LMNB2: variants seen among roughly 807,000 people sequenced by gnomAD.
LMNB2 encodes lamin-B2.
Under a neutral mutation model 69.3 loss-of-function variants are expected in LMNB2, and 17 were observed. That is an observed-to-expected ratio of 0.25 (90% CI 0.17 to 0.37). LMNB2 has a LOEUF of 0.37. LMNB2 is among the 10% of genes least tolerant of loss of function. The pLI, the probability that LMNB2 is intolerant of heterozygous loss-of-function variation, is 1.00. For synonymous variants in LMNB2, 397 were observed against 389.3 expected (o/e 1.02, Z -0.23); for missense variants, 789 against 883.6 (o/e 0.89, Z 1.36).
chr19:2,444,296 C>A (rs879227121), intron 2 of LMNB2, 108 bp downstream of exon 2: 117 of 1,303,670 alleles, frequency 9.0e-5, no homozygotes, highest in Middle Eastern at 3.9e-4. Flanking sequence ...GAGCTCCAGG[C>A]TGTGCCCGTA....
intron 2 of LMNB2, among the ~76,000 whole-genome samples, chr19:2,442,281 C>A (rs530571171): frequency 2.0e-5 from 3 of 152,052 alleles, no homozygotes; most frequent in African/African-American, 7.2e-5. Context: ...CATAGCGAGA[C>A]CTCATCTCTA....
Position 2,431,844 on chromosome 19 carries a change from C to G in LMNB2, c.1649G>C (p.Gly550Ala), listed in dbSNP as rs1971744843. ...CTCGCCCGTGCCCCAGCTGCTCTGG[C>G]CCTTCCACACCAGCGTCGAGGGGGG... ...HSPPSTLVWK[G>A]QSSWGTGESF... Residue 550 changes from glycine (G) to alanine (A), a missense_variant, in exon 10 of 12, where the codon GGC becomes GCC. Physicochemically the swap from Gly to Ala is moderately conservative, Grantham distance 60. Coordinates refer to ENST00000325327, the MANE Select transcript of LMNB2 (RefSeq NM_032737.4). 6.2e-7 allele frequency: 1 copy of G among 1,613,498 alleles called. No individual in the cohort carries two copies. The highest frequency in any genetic ancestry group is 2.2e-5 in the East Asian group (1 of 44,866).
In LMNB2 at chr19:2,429,895, C is replaced by T. The variant is rs997600613; in HGVS notation, c.*1016G>A. 6.6e-6 allele frequency: 1 copy of T among 152,174 alleles called. No individual in the cohort carries two copies. The highest frequency in any genetic ancestry group is 1.5e-5 in the Non-Finnish European group (1 of 68,070). The allele number at this position is 152,174 out of a possible 1,614,324, so 9.4% of individuals were successfully genotyped here. ...GCTGGACTGAGGGGCTTGGGTGCGT[C>T]GTGATAGGAGTCAGGTGGCCTTGGC... On this transcript the variant is annotated 3_prime_UTR_variant, in exon 12 of 12. Coordinates refer to ENST00000325327, the MANE Select transcript of LMNB2 (RefSeq NM_032737.4).
At chr19:2,438,689 G>A (rs534874182) in intron 2 of LMNB2, among the ~76,000 whole-genome samples, 158 bp from the exon 3 acceptor site, 2 of 152,340 alleles carry the variant, frequency 1.3e-5, no homozygotes, top group East Asian at 3.9e-4. Flanking sequence ...ACGCGCCCAG[G>A]CAAAGGCACA....
chr19:2,439,035 C>CTTTTTTTTTTT (rs397945879), intron 2 of LMNB2, among the ~76,000 whole-genome samples: 3 of 65,712 alleles, frequency 4.6e-5, no homozygotes, highest in African/African-American at 1.9e-4. Context: ...GGCACTTAAG[C>CTTTTTTTTTTT]TTTTTTTTTT....
chr19:2,432,318 A>AT, intron 9 of LMNB2, 98 bp downstream of exon 9: 3 of 914,016 alleles, frequency 3.3e-6, no homozygotes, highest in Middle Eastern at 2.8e-4. Flanking sequence ...TGCCACCATC[A>AT]TCCCCACCCA....
chr19:2,454,999 A>G (rs1972071650), intron 1 of LMNB2, among the ~76,000 whole-genome samples: 1 of 151,276 alleles, frequency 6.6e-6, no homozygotes, highest in Non-Finnish European at 1.5e-5. Flanking sequence ...CAAGATCCCA[A>G]CTCTCACCCT....
intron 8 of LMNB2, among the ~76,000 whole-genome samples, chr19:2,433,119 G>T (rs1971766936): frequency 7.9e-6 from 1 of 126,658 alleles, no homozygotes. Context: ...TTGGCCGGCG[G>T]CCCCGTCACC....
rs397945879 is a variant in LMNB2, at chr19:2,439,035, C to CTTTTT, written c.402-509_402-505dup. On this transcript the variant is annotated intron_variant, in intron 2 of 11. Transcript: ENST00000325327. ...CCAGTGTGGATTGTAGGCACTTAAGCTTTTTTTTTTTTTTTTTTTTTTTTT... is the reference window on the plus strand; with the variant it reads ...CCAGTGTGGATTGTAGGCACTTAAGCTTTTTTTTTTTTTTTTTTTTTTTTTTTTTT... 6.1e-3 allele frequency among the ~76,000 whole-genome samples: 399 copies of CTTTTT among 65,714 alleles called. 53 individuals carry two copies. The highest frequency in any genetic ancestry group is 0.024 in the African/African-American group (367 of 15,424). The allele number at this position is 65,714 out of a possible 152,430, so 43.1% of individuals were successfully genotyped here. A position where few individuals can be genotyped will look rare whatever the true frequency, so the allele number is the denominator to read the frequency against.
At position 2,456,939 on chromosome 19, in the gene LMNB2, C is replaced by T. The variant is rs1385580767; in HGVS notation, c.-6G>A. On this transcript the variant is annotated 5_prime_UTR_variant, in exon 1 of 12. Coordinates refer to ENST00000325327, the MANE Select transcript of LMNB2 (RefSeq NM_032737.4). The stretch of plus-strand genomic sequence containing the variant: ...CCCGGGCTCGGCGGGCTCATTCAAT[C>T]CGCGCCGCCGGCTGCAAGATGGCGC... 6 of 988,812 alleles carry T rather than the reference C, an allele frequency of 6.1e-6. No homozygotes were observed. The East Asian group carries it at 4.5e-4, about 74-fold the overall frequency. 61.3% of individuals were successfully genotyped at this position (988,812 alleles called of 1,614,324 possible).
chr19:2,431,578 C>G lies in LMNB2; in HGVS notation c.1791G>C (p.Glu597Asp). 6.2e-7 allele frequency: 1 copy of G among 1,614,170 alleles called. No individual in the cohort carries two copies. The highest frequency in any genetic ancestry group is 8.5e-7 in the Non-Finnish European group (1 of 1,179,996). The change falls in exon 11 of 12, where the codon GAG becomes GAC. Residue 597 changes from glutamate (E) to aspartate (D), a missense_variant. This residue lies in a region of LMNB2 where 609 missense variants were observed against 630.9 expected (regional missense o/e 0.97). Transcript: ENST00000325327. ...GGTGGAAAAGATCCTCCTCGCCAAACTCGGCTTCCTCCTCCTCTTCCTCCC... is the reference window on the plus strand; with the variant it reads ...GGTGGAAAAGATCCTCCTCGCCAAAGTCGGCTTCCTCCTCCTCTTCCTCCC... ...ENGEEEEEEA[E>D]FGEEDLFHQQ...
intron 8 of LMNB2, 50 bp from the exon 9 acceptor site, chr19:2,432,573 C>T (rs373038332): frequency 1.9e-4 from 271 of 1,447,536 alleles, no homozygotes; most frequent in Non-Finnish European, 2.4e-4. Flanking sequence ...ACTGTGACAC[C>T]GCCCCCATCG....
intron 1 of LMNB2, among the ~76,000 whole-genome samples, chr19:2,445,317 G>A (rs535273834): frequency 6.7e-6 from 1 of 149,364 alleles, no homozygotes; most frequent in Admixed American, 6.7e-5. Context: ...GGGCCAGCCC[G>A]TGCCCCTCTG....
At position 2,433,971 on chromosome 19, in the gene LMNB2, C is replaced by T. The variant is rs752435223; in HGVS notation, c.1337G>A (p.Gly446Asp). 6.2e-6 allele frequency: 10 copies of T among 1,610,888 alleles called. No homozygotes were observed. The highest frequency in any genetic ancestry group is 7.6e-6 in the Non-Finnish European group (9 of 1,179,506). ...CGTGCCCAGGACGCTTGGGCCGCTG[C>T]CCAAGGGCTCCTCCACCTCCAGCCG... ...RKRLEVEEPL[G>D]SGPSVLGTGT... Residue 446 changes from glycine (G) to aspartate (D), a missense_variant, in exon 8 of 12, where the codon GGC (glycine) becomes GAC (aspartate). Physicochemically the swap from Gly to Asp is moderately conservative, Grantham distance 94. Transcript: ENST00000325327.
At chr19:2,434,943 C>A (rs62122269) in intron 5 of LMNB2, 30 bp from the exon 6 acceptor site, 2 of 1,585,998 alleles carry the variant, frequency 1.3e-6, no homozygotes, top group Non-Finnish European at 1.7e-6. Context: ...TGAGTGCGGG[C>A]GCGGGGCGGG....
rs1388336809 is a variant in LMNB2 at position 2,431,764 on chromosome 19, C to A, written c.1710+19G>T. On this transcript the variant is annotated intron_variant, in intron 10 of 11. Coordinates refer to ENST00000325327, the MANE Select transcript of LMNB2 (RefSeq NM_032737.4). ...GCCCAGGACTCCAGCCGAGCACCCC[C>A]CAAGCCACACACACCCACCTCGCCA... 5 of 1,613,828 alleles carry A rather than the reference C, an allele frequency of 3.1e-6. No individual in the cohort carries two copies. Among genetic ancestry groups the A allele is most frequent in the African/African-American group, 2.7e-5 (2 of 75,046 alleles).
At chr19:2,439,386 G>A (rs11882664) in intron 2 of LMNB2, among the ~76,000 whole-genome samples, 4,363 of 151,234 alleles carry the variant, frequency 0.029, 227 homozygotes, top group African/African-American at 0.1. Context: ...TGGGGTGGTC[G>A]AGTGAGGACA....
intron 4 of LMNB2, 31 bp from the exon 5 acceptor site, chr19:2,435,202 C>G: frequency 6.3e-7 from 1 of 1,596,592 alleles, no homozygotes; most frequent in Non-Finnish European, 8.5e-7. Flanking sequence ...ACCCTCTGGT[C>G]CCGCCTGGGC....
chr19:2,431,981 A>G (rs973480438), intron 9 of LMNB2, 79 bp from the exon 10 acceptor site: 89 of 1,532,598 alleles, frequency 5.8e-5, no homozygotes, highest in Non-Finnish European at 7.4e-5. Context: ...CCCCTACCAC[A>G]AAGCCCCCTT....
Sources: gnomAD v4.1 joint callset for allele counts (sites outside exome capture counted in the v4.1 genomes callset) on GRCh38, gnomAD v4.1.1 for gene constraint, gnomAD v4.1.1 regional missense constraint, MANE v1.5 for transcripts, NCBI Gene and HGNC (gene_info 2026-07-23, HGNC 2026-07-21) for gene names.